Variants in CDH4 observed in about 807,000 individuals in gnomAD.
CDH4 encodes cadherin-4.
In CDH4, 33 loss-of-function variants were observed where a neutral mutation model predicts 86.0. The ratio of observed to expected loss-of-function variants is 0.38; its 90% CI spans 0.29 to 0.51. The LOEUF is 0.51. Among genes scored for constraint, CDH4 ranks in the 20% least tolerant of loss-of-function variants. CDH4 has a pLI of 0.86. For synonymous variants in CDH4, 555 were observed against 549.4 expected (o/e 1.01, Z -0.14); for missense variants, 1,114 against 1,307.4 (o/e 0.85, Z 2.28).
At chr20:61,337,932 T>G (rs1390930753) in intron 2 of CDH4, among the ~76,000 whole-genome samples, 1 of 151,874 alleles carries the variant, frequency 6.6e-6, no homozygotes, top group Non-Finnish European at 1.5e-5. Flanking sequence ...CTGCAGGGGG[T>G]TAATTAGTTT....
At chr20:61,715,248 T>C (rs1272092533) in intron 2 of CDH4, among the ~76,000 whole-genome samples, 1 of 152,270 alleles carries the variant, frequency 6.6e-6, no homozygotes, top group Non-Finnish European at 1.5e-5. Context: ...TCACTTTTGA[T>C]GGGATTGTTC....
Position 61,259,785 on chromosome 20 carries a change from T to C in CDH4, c.169+4848T>C, listed in dbSNP as rs530835390. 3.3e-5 allele frequency among the ~76,000 whole-genome samples: 5 copies of C among 152,354 alleles called. No individual in the cohort carries two copies. The South Asian group carries it at 1.0e-3, about 32-fold the overall frequency. ...CACCAATGTGGCAATGTGGCTTCTT[T>C]CTGGTCACCGGTATCTAATTAGGTT... On this transcript the variant is annotated intron_variant, in intron 2 of 15. Coordinates refer to ENST00000614565, the MANE Select transcript of CDH4 (RefSeq NM_001794.5).
intron 8 of CDH4, among the ~76,000 whole-genome samples, chr20:61,896,591 A>G (rs1391888686): frequency 1.3e-5 from 2 of 152,222 alleles, no homozygotes; most frequent in Non-Finnish European, 2.9e-5. Context: ...GAGCCCGAGG[A>G]GCATTTAACC....
At chr20:61,502,223 T>G (rs990617636) in intron 2 of CDH4, among the ~76,000 whole-genome samples, 1 of 151,832 alleles carries the variant, frequency 6.6e-6, no homozygotes, top group Admixed American at 6.5e-5. Context: ...CCAAATGAGA[T>G]AGAACACAGA....
rs76872180 is a variant in CDH4 at position 61,368,981 on chromosome 20, G to A, written c.169+114044G>A. Among the ~76,000 whole-genome samples, 1,413 of 152,220 alleles carry A rather than the reference G, an allele frequency of 9.3e-3. 15 individuals are homozygous for A. The highest frequency in any genetic ancestry group is 0.034 in the Middle Eastern group (10 of 294). ...TTTGTGATATATCCCTGAAAATCCC[G>A]AATCTAATCATGAGAAAACATCAGA... On this transcript the variant is annotated intron_variant, in intron 2 of 15. Transcript: ENST00000614565.
In CDH4 at chr20:61,283,505, C is replaced by T. The variant is rs1183210916; in HGVS notation, c.169+28568C>T. Among the ~76,000 whole-genome samples the T allele has an allele frequency of 7.8e-5, 7 of 90,106 alleles. 2 individuals carry two copies. The East Asian group carries it at 1.0e-3, about 13-fold the overall frequency. 59.1% of individuals were successfully genotyped at this position (90,106 alleles called of 152,430 possible). A position where few individuals can be genotyped will look rare whatever the true frequency, so the allele number is the denominator to read the frequency against. On this transcript the variant is annotated intron_variant, in intron 2 of 15. Coordinates refer to ENST00000614565, the MANE Select transcript of CDH4 (RefSeq NM_001794.5). ...TGTGTGATGTAGGTGCATTTGCACG[C>T]GTGTGCTGTGGTGTGTGATGTAGGT...
intron 6 of CDH4, among the ~76,000 whole-genome samples, chr20:61,873,418 A>C (rs1983887626): frequency 1.3e-5 from 2 of 152,216 alleles, no homozygotes; most frequent in Admixed American, 1.3e-4. Flanking sequence ...CTGCTGCCCC[A>C]GGCTCTGGAA....
At chr20:61,367,866 T>TA (rs2084819406) in intron 2 of CDH4, among the ~76,000 whole-genome samples, 1 of 127,892 alleles carries the variant, frequency 7.8e-6, no homozygotes, top group Non-Finnish European at 1.6e-5. Context: ...TTCTCCAGGA[T>TA]CTTTTTTTTT....
intron 2 of CDH4, among the ~76,000 whole-genome samples, chr20:61,438,045 C>G (rs140616970): frequency 6.6e-6 from 1 of 152,182 alleles, no homozygotes; most frequent in African/African-American, 2.4e-5. Context: ...ACTCCAACAA[C>G]GTTTTATTTT....
At chr20:61,762,057 C>T (rs1005195823) in intron 3 of CDH4, among the ~76,000 whole-genome samples, 2 of 152,262 alleles carry the variant, frequency 1.3e-5, no homozygotes, top group African/African-American at 4.8e-5. Context: ...GCCCACCTGG[C>T]TCTGCTGTGG....
chr20:61,507,584 G>GA (rs1470730936), intron 2 of CDH4, among the ~76,000 whole-genome samples: 3 of 151,636 alleles, frequency 2.0e-5, no homozygotes, highest in Non-Finnish European at 2.9e-5. Flanking sequence ...ATTTTTCTAG[G>GA]AAAAAAAAGG....
intron 6 of CDH4, among the ~76,000 whole-genome samples, chr20:61,872,774 C>T (rs950084404): frequency 1.3e-5 from 2 of 152,216 alleles, no homozygotes; most frequent in Admixed American, 6.5e-5. Context: ...GAGAGCCCGC[C>T]GTGCCAGCAT....
chr20:61,298,279 A>T (rs765146458), intron 2 of CDH4, among the ~76,000 whole-genome samples: 1 of 152,010 alleles, frequency 6.6e-6, no homozygotes, highest in Non-Finnish European at 1.5e-5. Context: ...CATCAGGGAG[A>T]TCAATTAAAT....
intron 9 of CDH4, among the ~76,000 whole-genome samples, chr20:61,921,160 A>T (rs2054978082): frequency 7.1e-6 from 1 of 141,700 alleles, no homozygotes; most frequent in Admixed American, 7.2e-5. Flanking sequence ...GATTGCATGG[A>T]AGCGTGGTGT....
At chr20:61,745,240 G>A (rs1235083263) in intron 3 of CDH4, among the ~76,000 whole-genome samples, 4 of 152,202 alleles carry the variant, frequency 2.6e-5, no homozygotes, top group Non-Finnish European at 5.9e-5. Flanking sequence ...CTCATGTGCT[G>A]TGTAAGCCTC....
In CDH4 at chr20:61,501,241, C is replaced by T. The variant is rs960076358; in HGVS notation, c.170-242322C>T. ...TCTCCTTATCTGATGTTTAGAGCTTCATAGTTTAAATGGCAATCATTCCTT... is the reference window on the plus strand; with the variant it reads ...TCTCCTTATCTGATGTTTAGAGCTTTATAGTTTAAATGGCAATCATTCCTT... On this transcript the variant is annotated intron_variant, in intron 2 of 15. Coordinates refer to ENST00000614565, the MANE Select transcript of CDH4 (RefSeq NM_001794.5). This position sits in a 1 kb window ranked among gnomAD's most constrained non-coding sequence, Gnocchi z 4.2. Among the ~76,000 whole-genome samples, 1 of 152,200 alleles carries T rather than the reference C, an allele frequency of 6.6e-6. No individual in the cohort carries two copies. Among genetic ancestry groups the T allele is most frequent in the Non-Finnish European group, 1.5e-5 (1 of 68,042 alleles).
chr20:61,494,106 C>T (rs1201565986), intron 2 of CDH4, among the ~76,000 whole-genome samples: 1 of 152,174 alleles, frequency 6.6e-6, no homozygotes, highest in Non-Finnish European at 1.5e-5. Flanking sequence ...CAGGTGGAGA[C>T]AGGAGCGCTC....
At chr20:61,647,409 T>C (rs1365304794) in intron 2 of CDH4, among the ~76,000 whole-genome samples, 1 of 152,178 alleles carries the variant, frequency 6.6e-6, no homozygotes, top group Non-Finnish European at 1.5e-5. Flanking sequence ...AAGGGGTGAT[T>C]TGCAGAAGTA....
intron 2 of CDH4, among the ~76,000 whole-genome samples, chr20:61,272,198 C>T (rs773008100): frequency 2.6e-5 from 4 of 152,180 alleles, no homozygotes; most frequent in Non-Finnish European, 5.9e-5. Context: ...TTGTTGGATT[C>T]TAAAAGGAGG....
Sources: gnomAD v4.1 joint callset for allele counts (sites outside exome capture counted in the v4.1 genomes callset) on GRCh38, gnomAD v4.1.1 for gene constraint, Gnocchi (gnomAD v3.1) non-coding constraint, MANE v1.5 for transcripts, NCBI Gene and HGNC (gene_info 2026-07-23, HGNC 2026-07-21) for gene names.